Variants in DNER observed in about 807,000 individuals in gnomAD.
DNER encodes the protein delta/notch like EGF repeat containing.
DNER carries 33 observed loss-of-function variants against 78.2 expected under a neutral mutation model. The observed-to-expected ratio is 0.42, with a 90% CI of 0.32 to 0.56. DNER has a LOEUF of 0.56. Among genes scored for constraint, DNER ranks in the 20% least tolerant of loss-of-function variants. The pLI is 0.11. For synonymous variants in DNER, 417 were observed against 384.8 expected (o/e 1.08, Z -0.98); for missense variants, 918 against 975.3 (o/e 0.94, Z 0.78).
At chr2:229,554,846 C>T (rs1696819387) in intron 4 of DNER, among the ~76,000 whole-genome samples, 1 of 137,648 alleles carries the variant, frequency 7.3e-6, no homozygotes, top group South Asian at 2.3e-4. Context: ...CAGAGTAAGA[C>T]CCTGAAAGGA....
intron 1 of DNER, among the ~76,000 whole-genome samples, chr2:229,674,279 C>A (rs749329687): frequency 1.6e-4 from 25 of 152,152 alleles, no homozygotes; most frequent in Non-Finnish European, 2.6e-4. Flanking sequence ...ACCCAGGACC[C>A]TTCTTCTTTT....
At chr2:229,597,039 A>T (rs952742383) in intron 1 of DNER, among the ~76,000 whole-genome samples, 7 of 151,906 alleles carry the variant, frequency 4.6e-5, no homozygotes, top group African/African-American at 1.7e-4. Context: ...ACACATATAC[A>T]TGTACACACA....
intron 1 of DNER, among the ~76,000 whole-genome samples, chr2:229,700,779 G>T (rs1699733291): frequency 6.6e-6 from 1 of 151,756 alleles, no homozygotes; most frequent in Admixed American, 6.6e-5. Flanking sequence ...AAATTAGCCG[G>T]GTATGGTGGC....
chr2:229,548,920 T>C (rs1696676849), intron 4 of DNER, among the ~76,000 whole-genome samples: 1 of 152,084 alleles, frequency 6.6e-6, no homozygotes, highest in Non-Finnish European at 1.5e-5. Flanking sequence ...ATAGCTACCA[T>C]AAAAAAAGAC....
rs115601686 is a variant in DNER at position 229,703,389 on chromosome 2, G to A, written c.276+10759C>T. On this transcript the variant is annotated intron_variant, in intron 1 of 12. Transcript: ENST00000341772. ...ACCCATACATTGCACCACATAGAAAGAGACGATCTTAAAATGGGTCAAAGA... is the reference window on the plus strand; with the variant it reads ...ACCCATACATTGCACCACATAGAAAAAGACGATCTTAAAATGGGTCAAAGA... Among the ~76,000 whole-genome samples the A allele has an allele frequency of 8.8e-3, 1,336 of 152,218 alleles. 25 individuals carry two copies. Among genetic ancestry groups the A allele is most frequent in the African/African-American group, 0.03 (1,259 of 41,518 alleles).
intron 7 of DNER, among the ~76,000 whole-genome samples, chr2:229,473,677 GGT>G (rs553103319): frequency 1.1e-3 from 175 of 152,288 alleles, no homozygotes; most frequent in African/African-American, 4.0e-3. Flanking sequence ...GTTGGAATTA[GGT>G]GTGGGAAACA....
intron 6 of DNER, among the ~76,000 whole-genome samples, chr2:229,479,072 T>C (rs1695098399): frequency 6.6e-6 from 1 of 152,188 alleles, no homozygotes; most frequent in Non-Finnish European, 1.5e-5. Context: ...GGTGTTTGGT[T>C]TTCTGTTCCT....
intron 10 of DNER, among the ~76,000 whole-genome samples, chr2:229,404,551 C>A (rs1391813917): frequency 6.6e-6 from 1 of 152,142 alleles, no homozygotes; most frequent in Non-Finnish European, 1.5e-5. Context: ...TGGGTGGGAA[C>A]ACAAAGCTTA....
At chr2:229,582,154 A>G (rs1013430602) in intron 4 of DNER, among the ~76,000 whole-genome samples, 2 of 152,262 alleles carry the variant, frequency 1.3e-5, no homozygotes, top group Non-Finnish European at 2.9e-5. Context: ...GTCTGAGCTA[A>G]AACGTATTTG....
At chr2:229,515,967 T>C (rs549373901) in intron 5 of DNER, among the ~76,000 whole-genome samples, 9 of 152,332 alleles carry the variant, frequency 5.9e-5, no homozygotes, top group Non-Finnish European at 1.2e-4. Flanking sequence ...TGATTGAATT[T>C]AGAGATAAAA....
intron 1 of DNER, among the ~76,000 whole-genome samples, chr2:229,713,518 A>T (rs1699941149): frequency 6.6e-6 from 1 of 152,138 alleles, no homozygotes; most frequent in Non-Finnish European, 1.5e-5. Flanking sequence ...GCCCCCTCGA[A>T]TGCCTCCGAC....
intron 5 of DNER, among the ~76,000 whole-genome samples, chr2:229,540,371 G>T (rs554400091): frequency 1.3e-5 from 2 of 152,180 alleles, no homozygotes; most frequent in African/African-American, 4.8e-5. Flanking sequence ...TCATACATCA[G>T]CTATGGTGTG....
chr2:229,468,891 T>C (rs1574856969), intron 7 of DNER, among the ~76,000 whole-genome samples: 1 of 151,684 alleles, frequency 6.6e-6, no homozygotes, highest in South Asian at 2.1e-4. Flanking sequence ...TCTCCCGGAG[T>C]CTCTGGATGA....
chr2:229,425,469 C>A (rs1259618554), intron 8 of DNER, among the ~76,000 whole-genome samples: 1 of 152,234 alleles, frequency 6.6e-6, no homozygotes, highest in African/African-American at 2.4e-5. Flanking sequence ...GCCCACAGAC[C>A]CTGACCTGCT....
chr2:229,407,257 C>T lies in DNER; in HGVS notation c.1698G>A (p.Thr566=), dbSNP rs201281464. The change falls in exon 10 of 13, where the codon ACG becomes ACA. Residue 566 remains threonine (T), a synonymous_variant. Transcript: ENST00000341772. ...ATCDSDGLNG[T]CICAPGFTGE... ...CTGTAAACCCGGGTGCACAGATGCA[C>T]GTGCCATTCAGGCCGTCGCTGTCAC... 39 of 1,613,370 alleles carry T rather than the reference C, an allele frequency of 2.4e-5. No individual in the cohort carries two copies. Among genetic ancestry groups the T allele is most frequent in the East Asian group, 2.2e-5 (1 of 44,880 alleles).
chr2:229,624,428 A>C (rs192873293), intron 1 of DNER, among the ~76,000 whole-genome samples: 1 of 152,250 alleles, frequency 6.6e-6, no homozygotes, highest in Admixed American at 6.5e-5. Flanking sequence ...GTTCTTCAAC[A>C]TTTTACCCAT....
intron 1 of DNER, among the ~76,000 whole-genome samples, chr2:229,707,180 A>ATTTTTTTTTTTTTTTT (rs397868353): frequency 3.2e-5 from 3 of 94,610 alleles, no homozygotes; most frequent in Non-Finnish European, 3.9e-5. Flanking sequence ...CGGCTGGCTA[A>ATTTTTTTTTTTTTTTT]TTTTTTTTTT....
intron 8 of DNER, among the ~76,000 whole-genome samples, chr2:229,445,727 G>A (rs143495292): frequency 1.3e-4 from 20 of 151,884 alleles, no homozygotes; most frequent in African/African-American, 4.6e-4. Context: ...TTGGACTTGT[G>A]AGTCCACACA....
At chr2:229,691,061 C>T (rs899927996) in intron 1 of DNER, among the ~76,000 whole-genome samples, 1 of 152,100 alleles carries the variant, frequency 6.6e-6, no homozygotes, top group Non-Finnish European at 1.5e-5. Flanking sequence ...GTCATTCAGA[C>T]CAACCATCCT....
Sources: gnomAD v4.1 joint callset for allele counts (sites outside exome capture counted in the v4.1 genomes callset) on GRCh38, gnomAD v4.1.1 for gene constraint, MANE v1.5 for transcripts, NCBI Gene and HGNC (gene_info 2026-07-23, HGNC 2026-07-21) for gene names.